The following PTPN4 variants were observed in gnomAD, a reference collection of about 807,000 sequenced individuals.
PTPN4 encodes tyrosine-protein phosphatase non-receptor type 4.
A neutral mutation model predicts 135.5 loss-of-function variants in PTPN4; 49 were observed. The ratio of observed to expected loss-of-function variants is 0.36; its 90% confidence interval spans 0.29 to 0.46. PTPN4 has a LOEUF of 0.46. Among genes scored for constraint, PTPN4 ranks in the 20% least tolerant of loss-of-function variants. The probability of loss-of-function intolerance (pLI) is 1.00; values close to 1 mark genes in which losing one functional copy is unlikely to be tolerated. For missense variants in PTPN4, 860 were observed against 1,101.0 expected (o/e 0.78, Z 3.10); for synonymous variants, 333 against 369.9 (o/e 0.90, Z 1.14).
chr2:119,936,652 A>G (rs1678988438), intron 15 of PTPN4, among the ~76,000 whole-genome samples: 1 of 152,140 alleles, frequency 6.6e-6, no homozygotes, highest in Non-Finnish European at 1.5e-5. Context: ...TTTATAAACT[A>G]CCCAGTCTCA....
At chr2:119,942,003 A>G (rs1679068397) in intron 15 of PTPN4, among the ~76,000 whole-genome samples, 1 of 152,122 alleles carries the variant, frequency 6.6e-6, no homozygotes, top group Non-Finnish European at 1.5e-5. Context: ...CAGATTTTTC[A>G]TCTTGAAAAT....
At chr2:119,855,728 C>T (rs1056232054) in intron 2 of PTPN4, among the ~76,000 whole-genome samples, 4 of 152,142 alleles carry the variant, frequency 2.6e-5, no homozygotes, top group Non-Finnish European at 4.4e-5. Context: ...CTGTAAGCTG[C>T]TACTATGAGC....
intron 13 of PTPN4, among the ~76,000 whole-genome samples, chr2:119,931,445 T>TTTTTTTTTTTTTTTTTTTTTTG (rs1678906110): frequency 7.0e-6 from 1 of 143,640 alleles, no homozygotes; most frequent in Non-Finnish European, 1.5e-5. Context: ...TTTTTTTTTT[T>TTTTTTTTTTTTTTTTTTTTTTG]TTTTTTTTTT....
chr2:119,882,202 G>T, intron 7 of PTPN4, 53 bp downstream of exon 7: 1 of 1,500,058 alleles, frequency 6.7e-7, no homozygotes, highest in Non-Finnish European at 9.3e-7. Flanking sequence ...GGTTTGTGTT[G>T]CTAGTACATT....
chr2:119,945,336 GTA>G, intron 16 of PTPN4, 96 bp downstream of exon 16: 1 of 1,059,590 alleles, frequency 9.4e-7, no homozygotes, highest in Non-Finnish European at 1.3e-6. Context: ...GTTGTAAGTT[GTA>G]TTACAGTACC....
chr2:119,891,542 C>G (rs1678241383), intron 9 of PTPN4, among the ~76,000 whole-genome samples: 1 of 152,086 alleles, frequency 6.6e-6, no homozygotes, highest in African/African-American at 2.4e-5. Context: ...ACAGGCTGGT[C>G]TCGAACTCCT....
intron 11 of PTPN4, among the ~76,000 whole-genome samples, chr2:119,919,502 C>T (rs1678705765): frequency 6.6e-6 from 1 of 152,064 alleles, no homozygotes; most frequent in Non-Finnish European, 1.5e-5. Context: ...TAACTATGAT[C>T]TAAGGTTAAA....
chr2:119,877,232 G>A (rs1254445907), intron 3 of PTPN4, 91 bp from the exon 4 acceptor site: 3 of 1,391,560 alleles, frequency 2.2e-6, no homozygotes, highest in African/African-American at 1.5e-5. Flanking sequence ...GCAGCTTTTA[G>A]CATTAATCTC....
chr2:119,785,585 T>C (rs1220628249), intron 1 of PTPN4, among the ~76,000 whole-genome samples: 1 of 152,204 alleles, frequency 6.6e-6, no homozygotes, highest in East Asian at 1.9e-4. Flanking sequence ...CATTCCTGTT[T>C]CATGAAATTT....
chr2:119,802,100 T>C (rs1287354896), intron 1 of PTPN4, among the ~76,000 whole-genome samples: 1 of 152,126 alleles, frequency 6.6e-6, no homozygotes, highest in Non-Finnish European at 1.5e-5. Context: ...AGACGGGGTT[T>C]CACCCTGTTA....
chr2:119,908,012 G>A (rs1357075852), intron 10 of PTPN4, among the ~76,000 whole-genome samples: 2 of 152,096 alleles, frequency 1.3e-5, no homozygotes, highest in South Asian at 2.1e-4. Context: ...TGAACATAGA[G>A]GAAATGCTTC....
At chr2:119,898,920 A>G (rs1008480705) in intron 9 of PTPN4, among the ~76,000 whole-genome samples, 2 of 151,952 alleles carry the variant, frequency 1.3e-5, no homozygotes, top group Admixed American at 1.3e-4. Context: ...TTCTCTGTTT[A>G]TTGGGTTTGG....
chr2:119,812,514 T>G (rs1159734508), intron 2 of PTPN4, among the ~76,000 whole-genome samples: 1 of 152,242 alleles, frequency 6.6e-6, no homozygotes, highest in Non-Finnish European at 1.5e-5. Flanking sequence ...GAAATTTTTG[T>G]AATGAAGGAG....
At chr2:119,961,597 T>G (rs1032452145) in intron 23 of PTPN4, among the ~76,000 whole-genome samples, 2 of 152,174 alleles carry the variant, frequency 1.3e-5, no homozygotes, top group Admixed American at 6.5e-5. Context: ...CACAAAAATT[T>G]GTACATGAGC....
intron 2 of PTPN4, among the ~76,000 whole-genome samples, chr2:119,817,335 T>C (rs1400891419): frequency 6.6e-6 from 1 of 152,068 alleles, no homozygotes; most frequent in African/African-American, 2.4e-5. Context: ...CCATTGCTTT[T>C]TTTTTTTTTT....
At chr2:119,830,939 C>T (rs1461406788) in intron 2 of PTPN4, among the ~76,000 whole-genome samples, 6 of 152,146 alleles carry the variant, frequency 3.9e-5, no homozygotes, top group South Asian at 4.1e-4. Context: ...TTATAGATTA[C>T]CCAGTCTTGG....
At chr2:119,887,925 A>G (rs1183132433) in intron 9 of PTPN4, among the ~76,000 whole-genome samples, 1 of 152,024 alleles carries the variant, frequency 6.6e-6, no homozygotes, top group Non-Finnish European at 1.5e-5. Flanking sequence ...TGGTATTTTG[A>G]TAGGGATTGC....
At chr2:119,859,187 T>C (rs2104985593) in intron 2 of PTPN4, among the ~76,000 whole-genome samples, 1 of 152,352 alleles carries the variant, frequency 6.6e-6, no homozygotes, top group Non-Finnish European at 1.5e-5. Flanking sequence ...AACATTTTTT[T>C]CTGATGACTG....
chr2:119,923,241 G>A (rs1284536093), intron 12 of PTPN4, among the ~76,000 whole-genome samples: 3 of 151,978 alleles, frequency 2.0e-5, no homozygotes, highest in Non-Finnish European at 4.4e-5. Flanking sequence ...TGGGCTTTTG[G>A]CACACACCTG....
Sources: allele counts gnomAD v4.1 joint callset (sites outside exome capture counted in the v4.1 genomes callset), GRCh38; gene constraint gnomAD v4.1.1; transcripts MANE v1.5; gene names NCBI Gene and HGNC (gene_info 2026-07-23, HGNC 2026-07-21).